Variants in HECW2 observed in about 807,000 individuals in gnomAD.
HECW2 encodes the protein E3 ubiquitin-protein ligase HECW2.
HECW2 carries 61 observed loss-of-function variants against 175.2 expected under a neutral mutation model. The observed-to-expected ratio is 0.35, with a 90% CI of 0.28 to 0.43. The LOEUF (loss-of-function observed/expected upper bound fraction) is 0.43, where lower values mean the gene tolerates loss of function less well. HECW2 is among the 20% of genes least tolerant of loss of function. HECW2 has a pLI of 1.00. For missense variants in HECW2, 1,524 were observed against 2,000.5 expected (o/e 0.76, Z 4.54); for synonymous variants, 671 against 731.0 (o/e 0.92, Z 1.32).
At chr2:196,341,943 T>C (rs1040165493) in intron 3 of HECW2, among the ~76,000 whole-genome samples, 1 of 151,832 alleles carries the variant, frequency 6.6e-6, no homozygotes, top group African/African-American at 2.4e-5. Context: ...TTGTGGCAGG[T>C]TTCCATTTAA....
At chr2:196,273,244 T>A (rs1689814893) in intron 16 of HECW2, among the ~76,000 whole-genome samples, 1 of 152,090 alleles carries the variant, frequency 6.6e-6, no homozygotes, top group Non-Finnish European at 1.5e-5. Context: ...ATTTTTTGTA[T>A]TTTTAGTAGA....
At chr2:196,383,582 G>A (rs1354308081) in intron 2 of HECW2, among the ~76,000 whole-genome samples, 2 of 152,216 alleles carry the variant, frequency 1.3e-5, no homozygotes, top group African/African-American at 2.4e-5. Flanking sequence ...ACCTTTTCAA[G>A]AAGGGAACAG....
At chr2:196,283,355 C>A (rs1036410027) in intron 14 of HECW2, among the ~76,000 whole-genome samples, 3 of 148,512 alleles carry the variant, frequency 2.0e-5, no homozygotes, top group South Asian at 2.2e-4. Context: ...TACCTCTCAA[C>A]TTCTTTATGT....
chr2:196,361,844 A>G (rs760063149), intron 2 of HECW2: 17 of 985,266 alleles, frequency 1.7e-5, no homozygotes, highest in Non-Finnish European at 2.0e-5. Context: ...AAAATCCATC[A>G]GTCAAATGAG....
chr2:196,542,904 T>A (rs1378005489), intron 1 of HECW2, among the ~76,000 whole-genome samples: 2 of 148,350 alleles, frequency 1.3e-5, no homozygotes, highest in African/African-American at 4.9e-5. Flanking sequence ...ATCTAATATA[T>A]GTAATATAGA....
chr2:196,551,435 G>A (rs866346772), intron 1 of HECW2, among the ~76,000 whole-genome samples: 1 of 152,164 alleles, frequency 6.6e-6, no homozygotes, highest in African/African-American at 2.4e-5. Flanking sequence ...ACAGTCTGTA[G>A]ATAACACAAC....
chr2:196,517,817 A>G (rs1688205088), intron 1 of HECW2, among the ~76,000 whole-genome samples: 1 of 152,152 alleles, frequency 6.6e-6, no homozygotes, highest in Non-Finnish European at 1.5e-5. Context: ...AACCACCCCA[A>G]CTCAACCTCC....
chr2:196,435,983 T>C (rs1029615715), intron 1 of HECW2, among the ~76,000 whole-genome samples: 7 of 152,220 alleles, frequency 4.6e-5, no homozygotes, highest in Admixed American at 2.6e-4. Context: ...CCCTTCTACT[T>C]AATCAGCATC....
intron 2 of HECW2, among the ~76,000 whole-genome samples, chr2:196,431,716 C>T (rs1695718501): frequency 6.6e-6 from 1 of 152,064 alleles, no homozygotes; most frequent in Admixed American, 6.5e-5. Context: ...ATGTATCTTC[C>T]TCAATTTGAT....
intron 1 of HECW2, among the ~76,000 whole-genome samples, chr2:196,587,929 T>C (rs999910512): frequency 5.3e-5 from 8 of 152,184 alleles, no homozygotes; most frequent in South Asian, 4.1e-4. Context: ...TTGCAAATCT[T>C]TGAACATATC....
chr2:196,587,512 T>G (rs1691026024), intron 1 of HECW2, among the ~76,000 whole-genome samples: 1 of 152,240 alleles, frequency 6.6e-6, no homozygotes, highest in South Asian at 2.1e-4. Context: ...TATGGTATTC[T>G]GAAATGTAGC....
intron 2 of HECW2, among the ~76,000 whole-genome samples, chr2:196,380,586 A>C (rs1425485264): frequency 2.0e-5 from 3 of 152,184 alleles, no homozygotes; most frequent in Non-Finnish European, 4.4e-5. Context: ...GTTTGCACCA[A>C]AGAAGCTATG....
chr2:196,197,832 C>T lies in HECW2; in HGVS notation c.*3445G>A, dbSNP rs947067832. 2.2e-4 allele frequency: 34 copies of T among 152,198 alleles called. 1 individual carries two copies. Among genetic ancestry groups the T allele is most frequent in the African/African-American group, 7.7e-4 (32 of 41,458 alleles). The allele number at this position is 152,198 out of a possible 1,614,324, so 9.4% of individuals were successfully genotyped here. On this transcript the variant is annotated 3_prime_UTR_variant, in exon 29 of 29. Coordinates refer to ENST00000644978, the MANE Select transcript of HECW2 (RefSeq NM_001348768.2). Reference sequence around the variant, plus strand: ...CAAAGTGCGTGAGGAGCTAAACGGACGATGTACCTGACAGCACTTTGAAAC... The same window carrying T: ...CAAAGTGCGTGAGGAGCTAAACGGATGATGTACCTGACAGCACTTTGAAAC...
intron 2 of HECW2, among the ~76,000 whole-genome samples, chr2:196,413,183 T>C (rs1695161724): frequency 6.6e-6 from 1 of 152,154 alleles, no homozygotes; most frequent in Non-Finnish European, 1.5e-5. Flanking sequence ...AGAGACCCTG[T>C]CACTACAAAA....
intron 14 of HECW2, chr2:196,290,451 G>A (rs777403088): frequency 4.6e-5 from 7 of 152,398 alleles, no homozygotes; most frequent in Non-Finnish European, 7.3e-5. Flanking sequence ...CTGGCAAGAA[G>A]GGACCAACCC....
chr2:196,334,288 C>T (rs369653658), intron 4 of HECW2, 136 bp downstream of exon 4: 1 of 624,908 alleles, frequency 1.6e-6, no homozygotes, highest in East Asian at 2.8e-5. Flanking sequence ...TATTTCCTTT[C>T]CTATAACAGT....
intron 1 of HECW2, among the ~76,000 whole-genome samples, chr2:196,467,585 A>G (rs1359553369): frequency 6.6e-6 from 1 of 152,240 alleles, no homozygotes; most frequent in East Asian, 1.9e-4. Context: ...ACATGCAGGA[A>G]ATGGCTGCTA....
intron 2 of HECW2, among the ~76,000 whole-genome samples, chr2:196,410,856 T>C (rs949282408): frequency 1.3e-5 from 2 of 152,128 alleles, no homozygotes; most frequent in East Asian, 1.9e-4. Context: ...CAGAGCACAG[T>C]AGAAGGCTAG....
chr2:196,500,305 C>T (rs1687532344), intron 1 of HECW2, among the ~76,000 whole-genome samples: 1 of 151,884 alleles, frequency 6.6e-6, no homozygotes, highest in African/African-American at 2.4e-5. Flanking sequence ...GTTTACTTCC[C>T]CATCCCATGA....
Sources: allele counts gnomAD v4.1 joint callset (sites outside exome capture counted in the v4.1 genomes callset), GRCh38; gene constraint gnomAD v4.1.1; transcripts MANE v1.5; gene names NCBI Gene and HGNC (gene_info 2026-07-23, HGNC 2026-07-21).